The following TPH2 variants were observed in gnomAD, a reference collection of about 807,000 sequenced individuals.
The protein encoded by TPH2 is tryptophan hydroxylase 2.
TPH2 carries 27 observed loss-of-function variants against 59.1 expected under a neutral mutation model. The observed-to-expected ratio is 0.46, with a 90% CI of 0.34 to 0.63. The LOEUF (loss-of-function observed/expected upper bound fraction) is 0.63, where lower values mean the gene tolerates loss of function less well. Among genes scored for constraint, TPH2 ranks in the 30% least tolerant of loss-of-function variants. The pLI, the probability that TPH2 is intolerant of heterozygous loss-of-function variation, is 0.01. For synonymous variants in TPH2, 220 were observed against 210.5 expected (o/e 1.05, Z -0.39); for missense variants, 523 against 588.3 (o/e 0.89, Z 1.15).
At chr12:71,972,394 G>T (rs934983675) in intron 5 of TPH2, 125 bp from the exon 6 acceptor site, 2 of 875,144 alleles carry the variant, frequency 2.3e-6, no homozygotes, top group Middle Eastern at 3.0e-4. Context: ...TACTTAATGG[G>T]ATCCTTTCAG....
At chr12:71,939,705 A>G (rs1482197177) in intron 1 of TPH2, among the ~76,000 whole-genome samples, 1 of 152,192 alleles carries the variant, frequency 6.6e-6, no homozygotes, top group Admixed American at 6.5e-5. Context: ...ACCACTTGCT[A>G]TAGTATTTAA....
At chr12:72,031,211 G>C (rs371269226) in intron 9 of TPH2, 47 bp from the exon 10 acceptor site, 1 of 1,612,134 alleles carries the variant, frequency 6.2e-7, no homozygotes, top group Non-Finnish European at 8.5e-7. Context: ...ATGGAGCTTC[G>C]GAAGTCTCAT....
intron 5 of TPH2, among the ~76,000 whole-genome samples, chr12:71,967,492 T>G (rs1871851466): frequency 6.6e-6 from 1 of 152,226 alleles, no homozygotes; most frequent in African/African-American, 2.4e-5. Context: ...ACAATCTTAG[T>G]TTGCCATTCT....
intron 7 of TPH2, among the ~76,000 whole-genome samples, chr12:71,990,705 A>G (rs1035782496): frequency 6.6e-6 from 1 of 152,028 alleles, no homozygotes; most frequent in African/African-American, 2.4e-5. Context: ...AAAATATAAT[A>G]ACCTTGTTCC....
At chr12:71,983,394 T>A (rs1277038275) in intron 7 of TPH2, among the ~76,000 whole-genome samples, 6 of 152,104 alleles carry the variant, frequency 3.9e-5, no homozygotes, top group Admixed American at 2.6e-4. Flanking sequence ...TTAAAAAAAA[T>A]CAATTGGGCC....
intron 5 of TPH2, among the ~76,000 whole-genome samples, chr12:71,961,276 C>T (rs1871674119): frequency 6.6e-6 from 1 of 152,150 alleles, no homozygotes; most frequent in South Asian, 2.1e-4. Context: ...CATGAATAGT[C>T]ATTTAGTCAC....
At chr12:71,998,180 A>G (rs1872738213) in intron 8 of TPH2, among the ~76,000 whole-genome samples, 2 of 152,068 alleles carry the variant, frequency 1.3e-5, no homozygotes, top group Non-Finnish European at 2.9e-5. Flanking sequence ...TGATTCACTC[A>G]TTTCTCTTTT....
At chr12:71,940,897 C>T (rs1217107747) in intron 1 of TPH2, among the ~76,000 whole-genome samples, 1 of 152,050 alleles carries the variant, frequency 6.6e-6, no homozygotes, top group Non-Finnish European at 1.5e-5. Context: ...AGGTTTCTTC[C>T]TTCCTGCCTT....
At chr12:71,939,156 C>A in intron 1 of TPH2, 65 bp downstream of exon 1, 3 of 1,201,652 alleles carry the variant, frequency 2.5e-6, no homozygotes, top group South Asian at 1.2e-5. Context: ...TTCTCCTCAC[C>A]ATATGAATCC....
intron 8 of TPH2, 34 bp downstream of exon 8, chr12:71,994,599 T>C (rs1872650951): frequency 1.9e-6 from 3 of 1,611,830 alleles, no homozygotes; most frequent in East Asian, 2.2e-5. Context: ...CCAGTGCTAT[T>C]TATGTCCATT....
At chr12:71,992,633 G>T (rs2139220385) in intron 7 of TPH2, among the ~76,000 whole-genome samples, 1 of 152,120 alleles carries the variant, frequency 6.6e-6, no homozygotes, top group Non-Finnish European at 1.5e-5. Context: ...TTTGCCAAAA[G>T]TGTGGTAGCC....
intron 9 of TPH2, among the ~76,000 whole-genome samples, chr12:72,023,645 C>T (rs1873484984): frequency 6.6e-6 from 1 of 151,900 alleles, no homozygotes; most frequent in Admixed American, 6.6e-5. Flanking sequence ...GCCTGGCCAA[C>T]ATAGTGAAAC....
At chr12:72,007,107 CA>C (rs1182449141) in intron 8 of TPH2, among the ~76,000 whole-genome samples, 2 of 152,128 alleles carry the variant, frequency 1.3e-5, no homozygotes, top group Non-Finnish European at 2.9e-5. Context: ...GTTTATATTA[CA>C]AAATGGTTTT....
intron 4 of TPH2, among the ~76,000 whole-genome samples, chr12:71,946,703 A>C (rs1871205791): frequency 6.6e-6 from 1 of 152,184 alleles, no homozygotes; most frequent in Non-Finnish European, 1.5e-5. Context: ...CTGCCTGGGA[A>C]TAATCCCAGT....
At chr12:71,987,125 G>T (rs1213059136) in intron 7 of TPH2, among the ~76,000 whole-genome samples, 1 of 152,136 alleles carries the variant, frequency 6.6e-6, no homozygotes, top group Non-Finnish European at 1.5e-5. Flanking sequence ...CAATTCCAAG[G>T]TTCAAAGAAG....
At chr12:72,004,596 AT>A (rs1872904616) in intron 8 of TPH2, among the ~76,000 whole-genome samples, 1 of 152,214 alleles carries the variant, frequency 6.6e-6, no homozygotes, top group African/African-American at 2.4e-5. Context: ...TTCTGCAGTC[AT>A]TTTAATTTCC....
intron 9 of TPH2, 21 bp downstream of exon 9, chr12:72,022,515 AT>A: frequency 1.9e-6 from 3 of 1,548,430 alleles, no homozygotes; most frequent in Non-Finnish European, 2.7e-6. Flanking sequence ...GTGAATGAAA[AT>A]ACCCTTCCCA....
intron 5 of TPH2, 131 bp from the exon 6 acceptor site, chr12:71,972,388 T>A (rs1383393863): frequency 1.2e-5 from 10 of 851,344 alleles, no homozygotes; most frequent in Non-Finnish European, 2.0e-5. Flanking sequence ...AAATAATACT[T>A]AATGGGATCC....
Position 72,031,459 on chromosome 12 carries a change from T to C in TPH2, c.1299-62T>C. Reference sequence around the variant, plus strand: ...TTTTTCTGTCTCTATTCCTTCCTTTTATCTATCCCTCGTACCAATGAGGGT... The same window carrying C: ...TTTTTCTGTCTCTATTCCTTCCTTTCATCTATCCCTCGTACCAATGAGGGT... On this transcript the variant is annotated intron_variant, in intron 10 of 10. Transcript: ENST00000333850. 6.8e-6 allele frequency: 11 copies of C among 1,613,090 alleles called. No individual in the cohort carries two copies. In the South Asian group the frequency reaches 1.1e-4, roughly 16 times the overall value.
Sources: gnomAD v4.1 joint callset for allele counts (sites outside exome capture counted in the v4.1 genomes callset) on GRCh38, gnomAD v4.1.1 for gene constraint, MANE v1.5 for transcripts, NCBI Gene and HGNC (gene_info 2026-07-23, HGNC 2026-07-21) for gene names.